Variants in SULT1C2 observed in about 807,000 individuals in gnomAD.
SULT1C2 encodes sulfotransferase family 1C member 2, also known as sulfotransferase 1C2.
SULT1C2 carries 27 observed loss-of-function variants against 36.0 expected under a neutral mutation model. That is an observed-to-expected ratio of 0.75 (90% CI 0.55 to 1.03). The LOEUF (loss-of-function observed/expected upper bound fraction) is 1.03. Ranked by LOEUF, SULT1C2 falls within the 50% of genes least tolerant of loss-of-function variation. SULT1C2 has a pLI of 0.00. For synonymous variants in SULT1C2, 121 were observed against 116.0 expected, an observed-to-expected ratio of 1.04 and a Z score of -0.27; for missense variants, 395 against 359.2, an observed-to-expected ratio of 1.10 and a Z score of -0.80.
chr2:108,290,656 G>A (rs1174002504), intron 1 of SULT1C2, among the ~76,000 whole-genome samples: 2 of 152,160 alleles, frequency 1.3e-5, no homozygotes, highest in Admixed American at 6.6e-5. Context: ...AGGCAAGCAG[G>A]CATGTATAAA....
intron 4 of SULT1C2, 46 bp downstream of exon 4, chr2:108,300,981 C>T (rs759215935): frequency 6.2e-7 from 1 of 1,609,646 alleles, no homozygotes. Flanking sequence ...AGTAAGCCAA[C>T]CAAAGCGAGT....
intron 1 of SULT1C2, among the ~76,000 whole-genome samples, chr2:108,291,653 G>A (rs1676594538): frequency 6.6e-6 from 1 of 152,060 alleles, no homozygotes; most frequent in Admixed American, 6.5e-5. Context: ...CATAGGATTC[G>A]TATACAGATG....
chr2:108,298,902 T>C (rs1407554450), intron 3 of SULT1C2: 1 of 165,406 alleles, frequency 6.0e-6, no homozygotes, highest in African/African-American at 2.4e-5. Context: ...TTAAGTTAAC[T>C]TCTGGTCCAA....
Position 108,305,495 on chromosome 2 carries a change from G to T in SULT1C2, c.678G>T (p.Gln226His). 1 of 1,614,172 alleles carries T rather than the reference G, an allele frequency of 6.2e-7. No individual in the cohort carries two copies. Among genetic ancestry groups the T allele is most frequent in the Non-Finnish European group, 8.5e-7 (1 of 1,180,024 alleles). Residue 226 changes from glutamine to histidine, a missense_variant, in exon 7 of 8, where the codon CAG becomes CAT. By Grantham distance (24) the Gln-to-His change is conservative (BLOSUM62 0). Coordinates refer to ENST00000251481, the MANE Select transcript of SULT1C2 (RefSeq NM_001056.4). ...AAACAGTGCTAGATAAAATTGTCCA[G>T]GAGACGTCATTTGAGAAAATGAAAG... ...VDETVLDKIVQETSFEKMKEN... is the reference protein window; with the variant it reads ...VDETVLDKIVHETSFEKMKEN...
intron 3 of SULT1C2, chr2:108,299,217 A>C (rs995165542): frequency 6.6e-6 from 1 of 152,256 alleles, no homozygotes; most frequent in African/African-American, 2.4e-5. Context: ...GAACCCACTC[A>C]GGGCAGCTGT....
At chr2:108,289,949 C>T (rs572463785) in intron 1 of SULT1C2, among the ~76,000 whole-genome samples, 3 of 152,332 alleles carry the variant, frequency 2.0e-5, no homozygotes, top group East Asian at 1.9e-4. Context: ...AGCCCTTAAC[C>T]GCCCTGGTCC....
chr2:108,291,063 G>T (rs1676578833), intron 1 of SULT1C2, among the ~76,000 whole-genome samples: 1 of 152,172 alleles, frequency 6.6e-6, no homozygotes. Context: ...CTTCTGGAGG[G>T]TCTGAAGAAG....
At chr2:108,305,759 C>T (rs1677009227) in intron 7 of SULT1C2, 164 bp downstream of exon 7, 12 of 878,324 alleles carry the variant, frequency 1.4e-5, no homozygotes, top group Middle Eastern at 2.6e-4. Flanking sequence ...TAGAAGAGAG[C>T]TTTCTAGGGT....
intron 1 of SULT1C2, among the ~76,000 whole-genome samples, chr2:108,293,225 G>A (rs1207320778): frequency 6.8e-6 from 1 of 148,014 alleles, no homozygotes; most frequent in Non-Finnish European, 1.5e-5. Flanking sequence ...TATCTACAGT[G>A]AACTAGGGAA....
At chr2:108,290,684 C>CAT (rs2104409859) in intron 1 of SULT1C2, among the ~76,000 whole-genome samples, 1 of 152,270 alleles carries the variant, frequency 6.6e-6, no homozygotes, top group South Asian at 2.1e-4. Flanking sequence ...AACTCACCCA[C>CAT]TTCTGGGAGA....
intron 3 of SULT1C2, 142 bp from the exon 4 acceptor site, chr2:108,300,696 C>A: frequency 7.5e-7 from 1 of 1,332,316 alleles, no homozygotes; most frequent in East Asian, 2.6e-5. Flanking sequence ...TATTAATAAT[C>A]CCATTGTAAA....
At chr2:108,295,310 T>C in intron 3 of SULT1C2, among the ~76,000 whole-genome samples, 1 of 152,230 alleles carries the variant, frequency 6.6e-6, no homozygotes, top group East Asian at 1.9e-4. Flanking sequence ...GGTAGGTAAC[T>C]ACTCGCTTTG....
Position 108,308,609 on chromosome 2 carries a change from T to C in SULT1C2, c.*145T>C, listed in dbSNP as rs1677079658. The C allele has an allele frequency of 8.2e-6, 5 of 609,490 alleles. No homozygotes were observed. Among genetic ancestry groups the C allele is most frequent in the Non-Finnish European group, 1.3e-5 (5 of 371,986 alleles). 37.8% of individuals were successfully genotyped at this position (609,490 alleles called of 1,614,324 possible). On this transcript the variant is annotated 3_prime_UTR_variant, in exon 8 of 8. Transcript: ENST00000251481. ...ACAATCTCTGTGATGATTAACAGTATGTCACCACTTCATTTTTTAAAAAGG... is the reference window on the plus strand; with the variant it reads ...ACAATCTCTGTGATGATTAACAGTACGTCACCACTTCATTTTTTAAAAAGG...
chr2:108,298,728 CCCAATAACT>C, intron 3 of SULT1C2: 1 of 313,436 alleles, frequency 3.2e-6, no homozygotes, highest in Non-Finnish European at 6.2e-6. Flanking sequence ...CTATTAGGTA[CCCAATAACT>C]GAGGTCACTA....
intron 1 of SULT1C2, 41 bp from the exon 2 acceptor site, chr2:108,293,606 C>A: frequency 6.5e-7 from 1 of 1,531,052 alleles, no homozygotes; most frequent in Non-Finnish European, 8.8e-7. Flanking sequence ...GTATATTTTA[C>A]CACAACTTCT....
At chr2:108,296,219 G>A (rs1676722610) in intron 3 of SULT1C2, among the ~76,000 whole-genome samples, 1 of 152,226 alleles carries the variant, frequency 6.6e-6, no homozygotes, top group Non-Finnish European at 1.5e-5. Flanking sequence ...ATTCTTAGCA[G>A]TAGAGAGCAG....
Position 108,293,714 on chromosome 2 carries a change from T to C in SULT1C2, c.47T>C (p.Val16Ala), listed in dbSNP as rs184514994. 1.9e-5 allele frequency: 30 copies of C among 1,613,910 alleles called. No homozygotes were observed. In the East Asian group the frequency reaches 6.2e-4, roughly 34 times the overall value. ...DLGKQIKLKE[V>A]EGTLLQPATV... ...GGGAAACAGATAAAACTGAAAGAGG[T>C]GGAGGGGACCCTCCTGCAGCCTGCA... Residue 16 changes from valine (V) to alanine (A), a missense_variant, in exon 2 of 8, where the codon GTG (valine) becomes GCG (alanine). Val to Ala is a moderately conservative substitution (Grantham distance 64). Transcript: ENST00000251481.
intron 3 of SULT1C2, among the ~76,000 whole-genome samples, 169 bp downstream of exon 3, chr2:108,294,523 T>C (rs1676676636): frequency 6.6e-6 from 1 of 152,104 alleles, no homozygotes; most frequent in Non-Finnish European, 1.5e-5. Context: ...CCTTTTATCT[T>C]CCTCTCATCC....
chr2:108,298,749 G>T, intron 3 of SULT1C2: 1 of 255,864 alleles, frequency 3.9e-6, no homozygotes, highest in South Asian at 3.3e-5. Flanking sequence ...AGGTCACTAG[G>T]GGTTTAGTTC....
Sources: gnomAD v4.1 joint callset for allele counts (sites outside exome capture counted in the v4.1 genomes callset) on GRCh38, gnomAD v4.1.1 for gene constraint, MANE v1.5 for transcripts, NCBI Gene and HGNC (gene_info 2026-07-23, HGNC 2026-07-21) for gene names.